Variants in STXBP5 observed in about 807,000 individuals in gnomAD.
STXBP5 encodes syntaxin binding protein 5, also known as syntaxin-binding protein 5.
STXBP5 carries 50 observed loss-of-function variants against 152.4 expected under a neutral mutation model. The observed-to-expected ratio is 0.33, with a 90% CI of 0.26 to 0.42. STXBP5 has a LOEUF of 0.42. Among genes scored for constraint, STXBP5 ranks in the 10% least tolerant of loss-of-function variants. The pLI, the probability that STXBP5 is intolerant of heterozygous loss-of-function variation, is 1.00. For synonymous variants in STXBP5, 492 were observed against 494.7 expected (o/e 0.99, Z 0.07); for missense variants, 1,167 against 1,388.6 (o/e 0.84, Z 2.54).
intron 2 of STXBP5, among the ~76,000 whole-genome samples, chr6:147,222,522 G>A (rs1031577185): frequency 6.6e-6 from 1 of 152,102 alleles, no homozygotes; most frequent in African/African-American, 2.4e-5. Flanking sequence ...GGAATAAGAT[G>A]GCTAAAGTGG....
At chr6:147,354,758 CT>C (rs1784742381) in intron 22 of STXBP5, among the ~76,000 whole-genome samples, 1 of 152,136 alleles carries the variant, frequency 6.6e-6, no homozygotes, top group Admixed American at 6.6e-5. Flanking sequence ...GTACTCCATG[CT>C]TTCATAGATT....
At chr6:147,379,300 C>CTTGA (rs1187303709) in intron 26 of STXBP5, among the ~76,000 whole-genome samples, 2 of 152,048 alleles carry the variant, frequency 1.3e-5, no homozygotes, top group African/African-American at 4.8e-5. Context: ...ATTACTCTGC[C>CTTGA]TATCACCCAT....
At chr6:147,206,854 T>C (rs1776591037) in intron 2 of STXBP5, among the ~76,000 whole-genome samples, 1 of 152,144 alleles carries the variant, frequency 6.6e-6, no homozygotes, top group Non-Finnish European at 1.5e-5. Context: ...TCACTTTCTA[T>C]TTTTATGTTG....
chr6:147,283,267 C>T (rs764178475), intron 8 of STXBP5, among the ~76,000 whole-genome samples: 17 of 152,134 alleles, frequency 1.1e-4, no homozygotes, highest in Non-Finnish European at 1.5e-4. Context: ...CACCTAAGTA[C>T]GTCAGCTTAA....
intron 4 of STXBP5, among the ~76,000 whole-genome samples, chr6:147,258,375 T>C (rs1779477548): frequency 6.6e-6 from 1 of 152,232 alleles, no homozygotes; most frequent in African/African-American, 2.4e-5. Context: ...ATACCTTCTG[T>C]CTTGTCTGTC....
chr6:147,245,614 ATAATCT>A (rs1339703352), intron 4 of STXBP5, among the ~76,000 whole-genome samples: 3 of 152,164 alleles, frequency 2.0e-5, no homozygotes, highest in East Asian at 3.9e-4. Flanking sequence ...CCCAGAAAAG[ATAATCT>A]TAAAGTCCTA....
chr6:147,270,364 A>G (rs943019865), intron 7 of STXBP5, among the ~76,000 whole-genome samples: 3 of 145,848 alleles, frequency 2.1e-5, no homozygotes, highest in South Asian at 2.2e-4. Context: ...ACACCACTGC[A>G]CTCCACCCTG....
intron 25 of STXBP5, among the ~76,000 whole-genome samples, chr6:147,367,142 G>A (rs1785326960): frequency 1.3e-5 from 2 of 152,180 alleles, no homozygotes; most frequent in African/African-American, 2.4e-5. Flanking sequence ...TTCTAAAGAT[G>A]AGAAACTGTA....
chr6:147,384,420 A>C (rs1786242107), intron 27 of STXBP5, among the ~76,000 whole-genome samples: 1 of 152,118 alleles, frequency 6.6e-6, no homozygotes, highest in Non-Finnish European at 1.5e-5. Context: ...CATTATTTTT[A>C]ATTCATAGTA....
At position 147,389,550 on chromosome 6, in the gene STXBP5, G is replaced by A. The variant is rs1213467476; in HGVS notation, c.*4795G>A. The stretch of plus-strand genomic sequence containing the variant: ...GTCAGTTTTGCCAGTATTTTACAAT[G>A]AGGCTTATCGTTTAAAATTTTATAG... On this transcript the variant is annotated 3_prime_UTR_variant, in exon 28 of 28. Transcript: ENST00000321680. 6.6e-6 allele frequency: 1 copy of A among 151,760 alleles called. No individual in the cohort carries two copies. The highest frequency in any genetic ancestry group is 1.5e-5 in the Non-Finnish European group (1 of 67,774). The allele number at this position is 151,760 out of a possible 1,614,324, so 9.4% of individuals were successfully genotyped here.
chr6:147,298,109 G>A (rs373749372), intron 9 of STXBP5, among the ~76,000 whole-genome samples: 6 of 152,048 alleles, frequency 3.9e-5, no homozygotes, highest in East Asian at 3.8e-4. Context: ...ATAGGCTCAC[G>A]TCACTTGTAC....
At chr6:147,334,518 G>C (rs1274681285) in intron 19 of STXBP5, among the ~76,000 whole-genome samples, 1 of 151,898 alleles carries the variant, frequency 6.6e-6, no homozygotes, top group Non-Finnish European at 1.5e-5. Flanking sequence ...CTTGCCATTG[G>C]ATCAAATGTC....
intron 22 of STXBP5, among the ~76,000 whole-genome samples, chr6:147,357,015 T>C (rs1031966594): frequency 6.6e-6 from 1 of 152,182 alleles, no homozygotes; most frequent in Non-Finnish European, 1.5e-5. Context: ...TCCTTTCACA[T>C]GCAAGACAGT....
At chr6:147,217,106 C>T (rs1192093540) in intron 2 of STXBP5, among the ~76,000 whole-genome samples, 1 of 152,188 alleles carries the variant, frequency 6.6e-6, no homozygotes, top group Non-Finnish European at 1.5e-5. Flanking sequence ...TGCTGTTTCA[C>T]AGCAGCTCTC....
chr6:147,327,036 A>ATGC, intron 17 of STXBP5, 89 bp from the exon 18 acceptor site: 1 of 1,230,058 alleles, frequency 8.1e-7, no homozygotes, highest in East Asian at 2.4e-5. Context: ...AAGACCCACC[A>ATGC]TGCTTCTTTC....
intron 4 of STXBP5, among the ~76,000 whole-genome samples, chr6:147,248,343 A>G (rs553517007): frequency 2.5e-4 from 38 of 152,132 alleles, no homozygotes; most frequent in African/African-American, 8.4e-4. Flanking sequence ...TGAGCTTTTT[A>G]TTAATGCATG....
intron 6 of STXBP5, 117 bp from the exon 7 acceptor site, chr6:147,266,967 A>G: frequency 1.2e-6 from 1 of 837,848 alleles, no homozygotes; most frequent in Non-Finnish European, 1.9e-6. Flanking sequence ...ATGTTTGTTT[A>G]TATTATACAT....
intron 8 of STXBP5, among the ~76,000 whole-genome samples, chr6:147,281,071 A>G (rs1161288111): frequency 2.0e-5 from 3 of 152,180 alleles, no homozygotes; most frequent in Non-Finnish European, 2.9e-5. Context: ...AGCTAAATTC[A>G]TGTTGACTCT....
At chr6:147,229,215 AT>A (rs1190320243) in intron 2 of STXBP5, among the ~76,000 whole-genome samples, 2 of 152,086 alleles carry the variant, frequency 1.3e-5, no homozygotes, top group Non-Finnish European at 2.9e-5. Context: ...ACAAAAACAT[AT>A]TTAAGAATAT....
Sources: gnomAD v4.1 joint callset for allele counts (sites outside exome capture counted in the v4.1 genomes callset) on GRCh38, gnomAD v4.1.1 for gene constraint, MANE v1.5 for transcripts, NCBI Gene and HGNC (gene_info 2026-07-23, HGNC 2026-07-21) for gene names.